PDGFB: variants seen among roughly 807,000 people sequenced by gnomAD.
The protein encoded by PDGFB is platelet derived growth factor subunit B, also known as platelet-derived growth factor subunit B.
PDGFB carries 6 observed loss-of-function variants against 29.0 expected under a neutral mutation model. The ratio of observed to expected loss-of-function variants is 0.21; its 90% CI spans 0.11 to 0.41. The LOEUF is 0.41. Among genes scored for constraint, PDGFB ranks in the 10% least tolerant of loss-of-function variants. PDGFB has a pLI of 1.00. For missense variants in PDGFB, 299 were observed against 341.8 expected (o/e 0.87, Z 0.99); for synonymous variants, 144 against 140.8 (o/e 1.02, Z -0.16).
chr22:39,228,456 G>A (rs1471267376), intron 5 of PDGFB, among the ~76,000 whole-genome samples: 1 of 151,924 alleles, frequency 6.6e-6, no homozygotes, highest in Admixed American at 6.6e-5. Flanking sequence ...GGACGTGGTG[G>A]CACATGCCTG....
chr22:39,237,513 T>C (rs537889796), intron 1 of PDGFB, among the ~76,000 whole-genome samples: 2 of 152,316 alleles, frequency 1.3e-5, no homozygotes, highest in African/African-American at 2.4e-5. Context: ...GAGGAGGGTA[T>C]GGGCCCCGCT....
At chr22:39,227,147 T>A (rs1932188385) in intron 5 of PDGFB, among the ~76,000 whole-genome samples, 1 of 152,038 alleles carries the variant, frequency 6.6e-6, no homozygotes, top group Admixed American at 6.6e-5. Flanking sequence ...TTAGTAGAGA[T>A]GGGGTTTCAC....
intron 1 of PDGFB, chr22:39,241,060 C>A: frequency 1.5e-6 from 1 of 663,034 alleles, no homozygotes; most frequent in Non-Finnish European, 2.7e-6. Flanking sequence ...CCCCTAGGGC[C>A]ATTAGCAAAG....
chr22:39,224,715 C>G lies in PDGFB; in HGVS notation c.*627G>C, dbSNP rs1932124016. The G allele has an allele frequency of 6.6e-6, 1 of 152,334 alleles. No individual in the cohort carries two copies. Among genetic ancestry groups the G allele is most frequent in the African/African-American group, 2.4e-5 (1 of 41,420 alleles). 9.4% of individuals were successfully genotyped at this position (152,334 alleles called of 1,614,324 possible). ...AGCCACTTGGTGTGCTGGCCACACC[C>G]ACCAAGAGGAGTCCACGTCTTCAAA... On this transcript the variant is annotated 3_prime_UTR_variant, in exon 7 of 7. Transcript: ENST00000331163.
intron 1 of PDGFB, among the ~76,000 whole-genome samples, chr22:39,239,510 TG>T (rs1389431614): frequency 6.6e-6 from 1 of 152,084 alleles, no homozygotes; most frequent in Non-Finnish European, 1.5e-5. Context: ...CTTCTTGGTA[TG>T]GGAAGGTGAG....
chr22:39,231,830 G>T lies in PDGFB; in HGVS notation c.251-3C>A. 6.2e-7 allele frequency: 1 copy of T among 1,611,660 alleles called. No individual in the cohort carries two copies. ...CGGCTCAGCAATGGTCAGGGAACCT[G>T]GGAGGAGACGAAACCTGGGTCAGGA... On this transcript the variant is annotated splice_polypyrimidine_tract_variant and splice_region_variant and intron_variant, in intron 3 of 6. Transcript: ENST00000331163. This position sits in a 1 kb window ranked among gnomAD's most constrained non-coding sequence, Gnocchi z 4.3.
chr22:39,227,112 T>C (rs986950336), intron 5 of PDGFB, among the ~76,000 whole-genome samples: 1 of 152,202 alleles, frequency 6.6e-6, no homozygotes, highest in Non-Finnish European at 1.5e-5. Context: ...GCATGCACCA[T>C]GACACCTGGT....
intron 1 of PDGFB, among the ~76,000 whole-genome samples, chr22:39,238,066 A>G (rs910661181): frequency 1.3e-5 from 2 of 152,222 alleles, no homozygotes; most frequent in African/African-American, 2.4e-5. Context: ...AGCCGGCTGC[A>G]GCTGCCAGCC....
chr22:39,238,493 C>T (rs1489961386), intron 1 of PDGFB, among the ~76,000 whole-genome samples: 1 of 152,122 alleles, frequency 6.6e-6, no homozygotes, highest in African/African-American at 2.4e-5. Flanking sequence ...AGCTACAAGC[C>T]ACACGCTGAG....
chr22:39,225,835 T>C lies in PDGFB; in HGVS notation c.614A>G (p.Gln205Arg), dbSNP rs1932154087. Reference sequence around the variant, plus strand: ...CACCGTCCGAATGGTCACCCGAGTTTGGGGCGTTTTGGCTGCACAAGAAAA... The same window carrying C: ...CACCGTCCGAATGGTCACCCGAGTTCGGGGCGTTTTGGCTGCACAAGAAAA... ...GSQEQRAKTP[Q>R]TRVTIRTVRV... The change falls in exon 6 of 7, where the codon CAA becomes CGA. Residue 205 changes from glutamine to arginine, a missense_variant. Transcript: ENST00000331163. 1 of 1,612,076 alleles carries C rather than the reference T, an allele frequency of 6.2e-7. No homozygotes were observed. Among genetic ancestry groups the C allele is most frequent in the African/African-American group, 1.3e-5 (1 of 74,902 alleles).
chr22:39,233,700 C>T (rs912992577), intron 2 of PDGFB, among the ~76,000 whole-genome samples, 176 bp from the exon 3 acceptor site: 2 of 152,178 alleles, frequency 1.3e-5, no homozygotes, highest in African/African-American at 4.8e-5. Context: ...CTCCAAGCAG[C>T]CCCCAGGACA....
chr22:39,237,713 T>C (rs73884883), intron 1 of PDGFB, among the ~76,000 whole-genome samples: 2,043 of 152,352 alleles, frequency 0.013, 47 homozygotes, highest in African/African-American at 0.046. Context: ...CTGAGAGTTC[T>C]GTCAAACCCA....
chr22:39,225,702 C>T lies in PDGFB; in HGVS notation c.*21G>A. 1.7e-5 allele frequency: 27 copies of T among 1,606,276 alleles called. No individual in the cohort carries two copies. Among genetic ancestry groups the T allele is most frequent in the Non-Finnish European group, 2.1e-5 (25 of 1,178,028 alleles). ...GCCCCGCCTGGCCCTCACCTGCCCA[C>T]ACACTCTCCTGCCGATGCCCCTAGG... is the stretch of plus-strand genomic sequence containing the variant. On this transcript the variant is annotated 3_prime_UTR_variant, in exon 6 of 7. Transcript: ENST00000331163.
intron 2 of PDGFB, among the ~76,000 whole-genome samples, chr22:39,234,680 TGGTG>T (rs976661499): frequency 6.6e-6 from 1 of 152,202 alleles, no homozygotes; most frequent in African/African-American, 2.4e-5. Flanking sequence ...GGAATGTCCC[TGGTG>T]GGGAGGAGAT....
chr22:39,240,289 C>A (rs986759781), intron 1 of PDGFB, among the ~76,000 whole-genome samples: 1 of 152,064 alleles, frequency 6.6e-6, no homozygotes, highest in African/African-American at 2.4e-5. Context: ...AGCCAGGGGA[C>A]GGGGCCAGGG....
chr22:39,233,976 C>T (rs1413121027), intron 2 of PDGFB, among the ~76,000 whole-genome samples: 2 of 133,720 alleles, frequency 1.5e-5, no homozygotes, highest in East Asian at 4.9e-4. Flanking sequence ...CCCTCTGGAG[C>T]CCCGGACAAT....
intron 5 of PDGFB, among the ~76,000 whole-genome samples, chr22:39,229,692 C>T (rs1932248900): frequency 6.6e-6 from 1 of 152,158 alleles, no homozygotes; most frequent in African/African-American, 2.4e-5. Flanking sequence ...GGGCAGACTT[C>T]TAGGAGGAGG....
In PDGFB at chr22:39,244,934, G is replaced by A. The variant is rs930537760; in HGVS notation, c.-971C>T. On this transcript the variant is annotated 5_prime_UTR_variant, in exon 1 of 7. Transcript: ENST00000331163. This position sits in a 1 kb window ranked among gnomAD's most constrained non-coding sequence, Gnocchi z 4.5. ...GGAGGCAGCGGGGGAGGCTGCGGGT[G>A]CGCAGGGAGGCAGGCAGGCCGCTCC... Among the ~76,000 whole-genome samples, 2 of 152,036 alleles carry A rather than the reference G, an allele frequency of 1.3e-5. No individual in the cohort carries two copies. Among genetic ancestry groups the A allele is most frequent in the Non-Finnish European group, 2.9e-5 (2 of 67,966 alleles).
chr22:39,225,841 GT>G lies in PDGFB; in HGVS notation c.607del (p.Thr203ArgfsTer6). 6.2e-7 allele frequency: 1 copy of G among 1,611,206 alleles called. No individual in the cohort carries two copies. Among genetic ancestry groups the G allele is most frequent in the Non-Finnish European group, 8.5e-7 (1 of 1,177,928 alleles). On this transcript the variant is annotated frameshift_variant, in exon 6 of 7. Transcript: ENST00000331163. LOFTEE classifies it high-confidence loss of function. ...PGGSQEQRAK[T>X]PQTRVTIRTV... is the part of the protein sequence containing the mutation. ...CCGAATGGTCACCCGAGTTTGGGGC[GT>G]TTTGGCTGCACAAGAAAAAGAAAGA... is the stretch of plus-strand genomic sequence containing the variant.
Sources: gnomAD v4.1 joint callset for allele counts (sites outside exome capture counted in the v4.1 genomes callset) on GRCh38, gnomAD v4.1.1 for gene constraint, Gnocchi (gnomAD v3.1) non-coding constraint, MANE v1.5 for transcripts, NCBI Gene and HGNC (gene_info 2026-07-23, HGNC 2026-07-21) for gene names.